The following BAZ2B variants were observed in gnomAD, a reference collection of about 807,000 sequenced individuals.
The protein encoded by BAZ2B is bromodomain adjacent to zinc finger domain 2B.
BAZ2B carries 91 observed loss-of-function variants against 246.0 expected under a neutral mutation model. That is an observed-to-expected ratio of 0.37 (90% CI 0.31 to 0.44). BAZ2B has a LOEUF of 0.44. Ranked by LOEUF, BAZ2B falls within the 20% of genes least tolerant of loss-of-function variation. The pLI, the probability that BAZ2B is intolerant of heterozygous loss-of-function variation, is 1.00. For missense variants in BAZ2B, 2,332 were observed against 2,533.7 expected (o/e 0.92, Z 1.71); for synonymous variants, 855 against 860.0 (o/e 0.99, Z 0.10).
intron 1 of BAZ2B, among the ~76,000 whole-genome samples, chr2:159,588,989 T>C (rs1311598102): frequency 6.6e-6 from 1 of 152,176 alleles, no homozygotes; most frequent in African/African-American, 2.4e-5. Flanking sequence ...ATATGGCATC[T>C]AAAGTCTACA....
chr2:159,488,397 A>G (rs2080081083), intron 2 of BAZ2B, among the ~76,000 whole-genome samples: 1 of 152,180 alleles, frequency 6.6e-6, no homozygotes, highest in African/African-American at 2.4e-5. Context: ...TTTAACACAA[A>G]GAAAGGATAA....
At chr2:159,704,126 T>C in the BAZ2B span, among the ~76,000 whole-genome samples, 23 of 152,188 alleles carry the variant, frequency 1.5e-4, no homozygotes, top group African/African-American at 5.1e-4. Flanking sequence ...TGAAGCTCCA[T>C]GGTAAGAAAC....
At chr2:159,475,050 TG>T (rs980398340) in intron 3 of BAZ2B, among the ~76,000 whole-genome samples, 8 of 152,122 alleles carry the variant, frequency 5.3e-5, no homozygotes, top group Non-Finnish European at 1.0e-4. Flanking sequence ...TTGCTTTTCT[TG>T]AAGAGTATCT....
the BAZ2B span, among the ~76,000 whole-genome samples, chr2:159,669,086 A>C: frequency 6.6e-6 from 1 of 151,936 alleles, no homozygotes; most frequent in Non-Finnish European, 1.5e-5. Context: ...GAAAGAAAGA[A>C]ATTGAAGTTA....
rs148382881 is a variant in BAZ2B at position 159,325,863 on chromosome 2, T to C, written c.5999A>G (p.Asn2000Ser). The change falls in exon 35 of 37, where the codon AAT becomes AGT. Residue 2000 changes from asparagine (N) to serine (S), a missense_variant. Asn to Ser is a conservative substitution (Grantham distance 46). Around this residue, in one of 9 missense-constraint regions of BAZ2B, gnomAD observed 210 missense variants for 232.5 expected, o/e 0.90. Coordinates refer to ENST00000392783, the MANE Select transcript of BAZ2B (RefSeq NM_013450.4). ...KKLHVKGKKT[N>S]ESKKGKKVTL... is the part of the protein sequence containing the mutation. ...TACCTTCTTGCCTTTCTTTGACTCA[T>C]TAGTCTTTTTTCCTTTGACATGAAG... 21,574 of 1,600,650 alleles carry C rather than the reference T, an allele frequency of 0.013. 190 individuals are homozygous for C. Among genetic ancestry groups the C allele is most frequent in the Middle Eastern group, 0.017 (100 of 6,036 alleles).
At chr2:159,705,574 T>C in the BAZ2B span, among the ~76,000 whole-genome samples, 68 of 152,316 alleles carry the variant, frequency 4.5e-4, no homozygotes, top group Non-Finnish European at 7.4e-5. Flanking sequence ...AATTGGTCTT[T>C]CTAATTACAG....
upstream of BAZ2B, among the ~76,000 whole-genome samples, chr2:159,617,275 T>TA (rs1311729454): frequency 1.3e-5 from 2 of 152,264 alleles, no homozygotes; most frequent in East Asian, 3.9e-4. Context: ...TGCTATGGTC[T>TA]ACCCCCAGAA....
chr2:159,705,195 A>AT, the BAZ2B span, among the ~76,000 whole-genome samples: 5 of 151,352 alleles, frequency 3.3e-5, no homozygotes, highest in South Asian at 2.1e-4. Flanking sequence ...TAATTTTTGT[A>AT]TTTTTTTGTA....
intron 2 of BAZ2B, among the ~76,000 whole-genome samples, chr2:159,507,957 C>A (rs2082504259): frequency 6.6e-6 from 1 of 152,082 alleles, no homozygotes; most frequent in South Asian, 2.1e-4. Context: ...CCACAACCTC[C>A]ACCTCCCGGT....
Position 159,478,558 on chromosome 2 carries a change from T to C in BAZ2B, c.145+17A>G, listed in dbSNP as rs760144309. Reference sequence around the variant, plus strand: ...AAAGAATGGCATTCTAAAATTGAGTTAAAAAAGGGTATTCACCACATGGGT... The same window carrying C: ...AAAGAATGGCATTCTAAAATTGAGTCAAAAAAGGGTATTCACCACATGGGT... On this transcript the variant is annotated intron_variant, in intron 3 of 36. Transcript: ENST00000392783. 8.3e-6 allele frequency: 13 copies of C among 1,572,152 alleles called. No individual in the cohort carries two copies. In the South Asian group the frequency reaches 1.2e-4, roughly 14 times the overall value.
Position 159,404,843 on chromosome 2 carries a change from A to T in BAZ2B, c.2832+6T>A. The stretch of plus-strand genomic sequence containing the variant: ...TTTAAAAGTCACTTCCAATGTATAC[A>T]CATACCTGCTGTTTCATAATCTTTA... On this transcript the variant is annotated splice_donor_region_variant and intron_variant, in intron 16 of 36. Transcript: ENST00000392783. 6.2e-7 allele frequency: 1 copy of T among 1,610,544 alleles called. No individual in the cohort carries two copies.
intron 2 of BAZ2B, among the ~76,000 whole-genome samples, chr2:159,502,207 G>C (rs2081918335): frequency 6.6e-6 from 1 of 151,984 alleles, no homozygotes; most frequent in Admixed American, 6.6e-5. Context: ...CTGTTTGGGG[G>C]ATTATGAAAT....
intron 3 of BAZ2B, among the ~76,000 whole-genome samples, chr2:159,467,676 G>A (rs72947569): frequency 0.27 from 41,133 of 149,994 alleles, 6,852 homozygotes; most frequent in Non-Finnish European, 0.38. Context: ...TTTTGGGGTC[G>A]GAGACAACTG....
chr2:159,350,632 G>A (rs1212540740), intron 27 of BAZ2B, among the ~76,000 whole-genome samples: 3 of 152,104 alleles, frequency 2.0e-5, no homozygotes, highest in Admixed American at 6.5e-5. Flanking sequence ...GTGCAATGGC[G>A]TGAATTCAGC....
chr2:159,565,808 A>G (rs1361033276), intron 1 of BAZ2B, among the ~76,000 whole-genome samples: 2 of 151,400 alleles, frequency 1.3e-5, no homozygotes, highest in East Asian at 3.9e-4. Flanking sequence ...AAAAAAAAAG[A>G]AGAAGAAAGA....
At chr2:159,335,181 T>C (rs1193108747) in intron 33 of BAZ2B, among the ~76,000 whole-genome samples, 1 of 152,184 alleles carries the variant, frequency 6.6e-6, no homozygotes, top group Non-Finnish European at 1.5e-5. Flanking sequence ...TTAATAATAA[T>C]TTTTAGAAGG....
chr2:159,433,418 C>G (rs750104242), intron 8 of BAZ2B, 55 bp from the exon 9 acceptor site: 1 of 1,485,046 alleles, frequency 6.7e-7, no homozygotes, highest in South Asian at 1.3e-5. Context: ...ACAAAGATTG[C>G]TTTTATTTGC....
At chr2:159,470,050 T>A (rs2150775717) in intron 3 of BAZ2B, among the ~76,000 whole-genome samples, 1 of 152,350 alleles carries the variant, frequency 6.6e-6, no homozygotes, top group East Asian at 1.9e-4. Flanking sequence ...TTTCTATACT[T>A]GCTTTCTGCA....
intron 2 of BAZ2B, among the ~76,000 whole-genome samples, chr2:159,535,296 C>T (rs376205454): frequency 1.5e-4 from 21 of 143,366 alleles, no homozygotes; most frequent in East Asian, 1.9e-4. Flanking sequence ...CTGAGGTGGG[C>T]GGATCACTTG....
Sources: allele counts gnomAD v4.1 joint callset (sites outside exome capture counted in the v4.1 genomes callset), GRCh38; gene constraint gnomAD v4.1.1; regional missense constraint gnomAD v4.1.1; transcripts MANE v1.5; gene names NCBI Gene and HGNC (gene_info 2026-07-23, HGNC 2026-07-21).